HMCN1: variants seen among roughly 807,000 people sequenced by gnomAD.
The protein encoded by HMCN1 is hemicentin 1, also known as hemicentin-1.
Under a neutral mutation model 625.9 loss-of-function variants are expected in HMCN1, and 321 were observed. The observed-to-expected ratio is 0.51, with a 90% CI of 0.47 to 0.56. The LOEUF is 0.56. Ranked by LOEUF, HMCN1 falls within the 20% of genes least tolerant of loss-of-function variation. HMCN1 has a pLI of 0.00. For missense variants in HMCN1, 6,588 were observed against 6,887.3 expected, an observed-to-expected ratio of 0.96 and a Z score of 1.54; for synonymous variants, 2,425 against 2,417.6, an observed-to-expected ratio of 1.00 and a Z score of -0.09.
chr1:185,997,691 T>C (rs1041533832), intron 25 of HMCN1, among the ~76,000 whole-genome samples, 167 bp downstream of exon 25: 1 of 152,114 alleles, frequency 6.6e-6, no homozygotes, highest in Non-Finnish European at 1.5e-5. Flanking sequence ...TTTGAATAAG[T>C]ATTTTTTTTC....
intron 9 of HMCN1, 150 bp downstream of exon 9, chr1:185,925,341 C>A: frequency 1.4e-6 from 1 of 731,556 alleles, no homozygotes. Context: ...AAATCTGTGC[C>A]GTTGTGGAGC....
chr1:185,748,161 A>G (rs913771283), intron 1 of HMCN1, among the ~76,000 whole-genome samples: 7 of 152,036 alleles, frequency 4.6e-5, no homozygotes, highest in Non-Finnish European at 7.4e-5. Context: ...TTAAGATTCA[A>G]AGTGAAATCT....
Position 185,933,716 on chromosome 1 carries a change from C to A in HMCN1, c.1720C>A (p.Leu574Met). ...EPARIRTLAN[L>M]SLELKSVKFN... ...AGCGAGAATTAGGACCTTGGCTAAT[C>A]TGTCATTGGAGCTAAAGAGTGTGAA... Residue 574 changes from leucine to methionine, a missense_variant, in exon 11 of 107, where the codon CTG becomes ATG. This residue lies in a region of HMCN1 where 4,628 missense variants were observed against 4,853.1 expected (regional missense o/e 0.95). Transcript: ENST00000271588. 4 of 1,613,948 alleles carry A rather than the reference C, an allele frequency of 2.5e-6. No individual in the cohort carries two copies. The highest frequency in any genetic ancestry group is 3.4e-6 in the Non-Finnish European group (4 of 1,179,864).
chr1:186,023,286 G>C (rs568152058), intron 36 of HMCN1, 133 bp downstream of exon 36: 1 of 717,922 alleles, frequency 1.4e-6, no homozygotes, highest in East Asian at 3.0e-5. Context: ...AAAAAACCTA[G>C]GGTTTTTTTT....
intron 1 of HMCN1, among the ~76,000 whole-genome samples, chr1:185,823,455 T>C (rs1660322123): frequency 6.6e-6 from 1 of 152,214 alleles, no homozygotes; most frequent in Admixed American, 6.5e-5. Flanking sequence ...AATTTCATGG[T>C]AATAAATACT....
intron 2 of HMCN1, among the ~76,000 whole-genome samples, chr1:185,853,223 A>G (rs1258934538): frequency 6.6e-6 from 1 of 152,152 alleles, no homozygotes; most frequent in Non-Finnish European, 1.5e-5. Flanking sequence ...AAATATTTTT[A>G]CTTCATTCCT....
In HMCN1 at chr1:186,015,333, A is replaced by G. The variant is rs760407666; in HGVS notation, c.4805A>G (p.Tyr1602Cys). ...SQALYIDKGQ[Y>C]LHIPRAQVSD... ...GCACTTTATATTGATAAAGGACAAT[A>G]TCTTCATATTCCTCGAGCACAGGTC... Residue 1602 changes from tyrosine (Y) to cysteine (C), a missense_variant, in exon 31 of 107, where the codon TAT (tyrosine) becomes TGT (cysteine). By Grantham distance (194) the Tyr-to-Cys change is radical. Around this residue, in one of 3 missense-constraint regions of HMCN1, gnomAD observed 4,628 missense variants for 4,853.1 expected, o/e 0.95. Coordinates refer to ENST00000271588, the MANE Select transcript of HMCN1 (RefSeq NM_031935.3). The G allele has an allele frequency of 3.1e-6, 5 of 1,613,838 alleles. No individual in the cohort carries two copies. Among genetic ancestry groups the G allele is most frequent in the South Asian group, 1.1e-5 (1 of 91,088 alleles).
At chr1:186,057,031 T>TCTCACACACACACA (rs1553284156) in intron 45 of HMCN1, among the ~76,000 whole-genome samples, 56 of 148,034 alleles carry the variant, frequency 3.8e-4, no homozygotes, top group African/African-American at 1.3e-3. Context: ...TCCAGGAATG[T>TCTCACACACACACA]CACACACACA....
rs141818688 is a variant in HMCN1 at position 186,108,590 on chromosome 1, G to A, written c.10982G>A (p.Arg3661Gln). 9.9e-6 allele frequency: 16 copies of A among 1,613,860 alleles called. No individual in the cohort carries two copies. The highest frequency in any genetic ancestry group is 6.7e-5 in the Admixed American group (4 of 59,990). The change falls in exon 71 of 107, where the codon CGG becomes CAG. Residue 3661 changes from arginine to glutamine, a missense_variant. By Grantham distance (43) the Arg-to-Gln change is conservative (BLOSUM62 1). Around this residue, in one of 3 missense-constraint regions of HMCN1, gnomAD observed 4,628 missense variants for 4,853.1 expected, o/e 0.95. Coordinates refer to ENST00000271588, the MANE Select transcript of HMCN1 (RefSeq NM_031935.3). ...PVITWLRNGERLQATPRVRIL... is the reference protein window; with the variant it reads ...PVITWLRNGEQLQATPRVRIL... ...ATTACTTGGCTCAGAAATGGAGAAC[G>A]GTTACAGGTAAATTTTTTGATAAGC...
At chr1:185,780,612 G>A (rs983663364) in intron 1 of HMCN1, among the ~76,000 whole-genome samples, 1 of 152,086 alleles carries the variant, frequency 6.6e-6, no homozygotes, top group Non-Finnish European at 1.5e-5. Flanking sequence ...TAATCATGTG[G>A]TTTTTGTCTT....
chr1:185,797,914 C>T (rs901177272), intron 1 of HMCN1, among the ~76,000 whole-genome samples: 3 of 105,520 alleles, frequency 2.8e-5, no homozygotes, highest in African/African-American at 6.2e-5. Flanking sequence ...TGCAGTGAGC[C>T]GAGATCCCGC....
chr1:186,161,802 A>T (rs892774434), intron 97 of HMCN1, among the ~76,000 whole-genome samples: 19 of 152,130 alleles, frequency 1.2e-4, no homozygotes, highest in Non-Finnish European at 2.6e-4. Context: ...TGTTAGTCTG[A>T]TGGGCTTCCC....
At chr1:186,071,381 A>G (rs1166923792) in intron 52 of HMCN1, among the ~76,000 whole-genome samples, 2 of 152,224 alleles carry the variant, frequency 1.3e-5, no homozygotes, top group Non-Finnish European at 2.9e-5. Context: ...AGATCCTTCA[A>G]TTCTGTGATC....
chr1:186,142,747 TAAA>T (rs917960661), intron 89 of HMCN1, among the ~76,000 whole-genome samples: 2 of 152,080 alleles, frequency 1.3e-5, no homozygotes, highest in African/African-American at 4.8e-5. Flanking sequence ...AAAATAAAAA[TAAA>T]AAAGTCTTTA....
Position 186,015,271 on chromosome 1 carries a change from G to C in HMCN1, c.4743G>C (p.Trp1581Cys), listed in dbSNP as rs1285566735. 6.2e-7 allele frequency: 1 copy of C among 1,613,702 alleles called. No homozygotes were observed. Among genetic ancestry groups the C allele is most frequent in the Non-Finnish European group, 8.5e-7 (1 of 1,179,780 alleles). ...TRGLPMPAIT[W>C]YKDGQPIMSS... Reference sequence around the variant, plus strand: ...GACTTCCAATGCCTGCCATTACTTGGTATAAGGACGGGCAGCCAATCATGT... The same window carrying C: ...GACTTCCAATGCCTGCCATTACTTGCTATAAGGACGGGCAGCCAATCATGT... The change falls in exon 31 of 107, where the codon TGG (tryptophan) becomes TGC (cysteine). Residue 1581 changes from tryptophan (W) to cysteine (C), a missense_variant. Trp to Cys is a radical substitution (Grantham distance 215). This residue lies in a region of HMCN1 where 4,628 missense variants were observed against 4,853.1 expected (regional missense o/e 0.95). Coordinates refer to ENST00000271588, the MANE Select transcript of HMCN1 (RefSeq NM_031935.3).
chr1:186,145,381 C>T, intron 91 of HMCN1, 22 bp from the exon 92 acceptor site: 1 of 1,530,254 alleles, frequency 6.5e-7, no homozygotes, highest in South Asian at 1.3e-5. Context: ...CTGTTTTCAT[C>T]TCAGATTATT....
chr1:186,076,392 T>A, intron 53 of HMCN1, 36 bp from the exon 54 acceptor site: 7 of 1,578,048 alleles, frequency 4.4e-6, no homozygotes, highest in Non-Finnish European at 6.1e-6. Context: ...TTTAAGCATT[T>A]ATATGTGACC....
At chr1:186,143,774 A>G (rs1249995065) in intron 89 of HMCN1, among the ~76,000 whole-genome samples, 1 of 152,210 alleles carries the variant, frequency 6.6e-6, no homozygotes, top group Non-Finnish European at 1.5e-5. Flanking sequence ...ACCACATCTC[A>G]ATCTGTTATA....
At chr1:185,986,219 A>G (rs1222369976) in intron 19 of HMCN1, among the ~76,000 whole-genome samples, 1 of 152,196 alleles carries the variant, frequency 6.6e-6, no homozygotes, top group Non-Finnish European at 1.5e-5. Context: ...GGAAAATATG[A>G]GTATGTAGCA....
Sources: allele counts gnomAD v4.1 joint callset (sites outside exome capture counted in the v4.1 genomes callset), GRCh38; gene constraint gnomAD v4.1.1; regional missense constraint gnomAD v4.1.1; transcripts MANE v1.5; gene names NCBI Gene and HGNC (gene_info 2026-07-23, HGNC 2026-07-21).